Variants in FGD5 observed in about 807,000 individuals in gnomAD.
The protein encoded by FGD5 is FYVE, RhoGEF and PH domain containing 5.
FGD5 carries 28 observed loss-of-function variants against 133.4 expected under a neutral mutation model. The observed-to-expected ratio is 0.21, with a 90% CI of 0.16 to 0.29. FGD5 has a LOEUF of 0.29. Ranked by LOEUF, FGD5 falls within the 10% of genes least tolerant of loss-of-function variation. The pLI is 1.00. For missense variants in FGD5, 1,858 were observed against 1,895.2 expected, an observed-to-expected ratio of 0.98 and a Z score of 0.36; for synonymous variants, 810 against 776.5, an observed-to-expected ratio of 1.04 and a Z score of -0.72.
rs1287232823 is a variant in FGD5, at chr3:14,922,548, G to GGTGA, written c.3807+3_3807+6dup. 6.3e-7 allele frequency: 1 copy of GGTGA among 1,577,704 alleles called. No individual in the cohort carries two copies. Among genetic ancestry groups the GGTGA allele is most frequent in the South Asian group, 1.2e-5 (1 of 86,038 alleles). ...GTCATCACTGTCACGCCTGTGGCAA[G>GGTGA]GTGAGTCGCTGCATCTGGGGTGAGT... On this transcript the variant is annotated frameshift_variant and splice_region_variant. Coordinates refer to ENST00000285046, the MANE Select transcript of FGD5 (RefSeq NM_152536.4). LOFTEE classifies it high-confidence loss of function. The surrounding 1 kb of genome is among the most constrained non-coding windows in gnomAD (Gnocchi z 4.1).
intron 4 of FGD5, among the ~76,000 whole-genome samples, chr3:14,888,875 A>G (rs530869254): frequency 6.6e-6 from 1 of 152,356 alleles, no homozygotes; most frequent in African/African-American, 2.4e-5. Flanking sequence ...CAGCGTCAGC[A>G]TCACCTGGGA....
At chr3:14,846,835 A>G (rs1194174637) in intron 1 of FGD5, among the ~76,000 whole-genome samples, 1 of 152,240 alleles carries the variant, frequency 6.6e-6, no homozygotes, top group Admixed American at 6.5e-5. Context: ...GGAAGAATGA[A>G]CCATGATGAA....
At chr3:14,883,932 A>G (rs996595302) in intron 4 of FGD5, among the ~76,000 whole-genome samples, 1 of 152,188 alleles carries the variant, frequency 6.6e-6, no homozygotes, top group African/African-American at 2.4e-5. Context: ...AGGGCGTGTA[A>G]GGTAAGGGAG....
chr3:14,819,663 C>T lies in FGD5; in HGVS notation c.592C>T (p.His198Tyr). The T allele has an allele frequency of 6.5e-7, 1 of 1,548,060 alleles. No homozygotes were observed. The highest frequency in any genetic ancestry group is 8.7e-7 in the Non-Finnish European group (1 of 1,145,242). Residue 198 changes from histidine to tyrosine, a missense_variant, in exon 1 of 20, where the codon CAC becomes TAC. Coordinates refer to ENST00000285046, the MANE Select transcript of FGD5 (RefSeq NM_152536.4). This position sits in a 1 kb window ranked among gnomAD's most constrained non-coding sequence, Gnocchi z 4.1. ...GVFQSDLLLP[H>Y]IHGEDQEPPD... Reference sequence around the variant, plus strand: ...CTTCCAGAGCGACCTCCTCCTGCCTCACATCCATGGAGAGGACCAGGAGCC... The same window carrying T: ...CTTCCAGAGCGACCTCCTCCTGCCTTACATCCATGGAGAGGACCAGGAGCC...
At chr3:14,885,050 T>A (rs1242823360) in intron 4 of FGD5, among the ~76,000 whole-genome samples, 4 of 151,436 alleles carry the variant, frequency 2.6e-5, no homozygotes, top group African/African-American at 7.3e-5. Flanking sequence ...TACAGAGGGC[T>A]GTGTAAAGCT....
intron 1 of FGD5, among the ~76,000 whole-genome samples, chr3:14,812,082 G>GA (rs1242378944): frequency 6.6e-6 from 1 of 151,556 alleles, no homozygotes; most frequent in African/African-American, 2.4e-5. Flanking sequence ...TCTTTTTAAT[G>GA]AAAAAAAGTC....
At chr3:14,879,719 G>A (rs2037789158) in intron 2 of FGD5, among the ~76,000 whole-genome samples, 1 of 152,182 alleles carries the variant, frequency 6.6e-6, no homozygotes, top group South Asian at 2.1e-4. Context: ...CGTGAGAGGG[G>A]GATGCTCAGA....
intron 9 of FGD5, among the ~76,000 whole-genome samples, chr3:14,907,368 G>A (rs927843019): frequency 2.6e-5 from 4 of 152,196 alleles, no homozygotes; most frequent in African/African-American, 7.2e-5. Context: ...GGCTTAGAGA[G>A]CGTAGGAGCA....
In FGD5 at chr3:14,880,575, G is replaced by A; in HGVS notation, c.2662G>A (p.Glu888Lys). The A allele has an allele frequency of 6.2e-7, 1 of 1,613,824 alleles. No individual in the cohort carries two copies. The highest frequency in any genetic ancestry group is 8.5e-7 in the Non-Finnish European group (1 of 1,179,844). ...SRDPSVTHKV[E>K]GQSRALVIAQ... ...ATTGCTCTCTTTCCTCCCACAGGTG[G>A]AAGGACAGTCCAGAGCCCTTGTCAT... Residue 888 changes from glutamate to lysine, a missense_variant, in exon 3 of 20, where the codon GAA (glutamate) becomes AAA (lysine). Around this residue, in one of 3 missense-constraint regions of FGD5, gnomAD observed 1,824 missense variants for 1,848.9 expected, o/e 0.99. Coordinates refer to ENST00000285046, the MANE Select transcript of FGD5 (RefSeq NM_152536.4).
In FGD5 at chr3:14,819,050, G is replaced by C. The variant is rs762260171; in HGVS notation, c.-22G>C. 1 of 1,526,858 alleles carries C rather than the reference G, an allele frequency of 6.5e-7. No individual in the cohort carries two copies. Among genetic ancestry groups the C allele is most frequent in the Admixed American group, 2.2e-5 (1 of 46,310 alleles). 94.6% of individuals were successfully genotyped at this position (1,526,858 alleles called of 1,614,324 possible). On this transcript the variant is annotated 5_prime_UTR_variant, in exon 1 of 20. Transcript: ENST00000285046. The surrounding 1 kb of genome is among the most constrained non-coding windows in gnomAD (Gnocchi z 4.1). Reference sequence around the variant, plus strand: ...AATTCCCTTCCTCAGCCAGGCCCGAGAGTCTTCACAGTCCAAACTCCATGT... The same window carrying C: ...AATTCCCTTCCTCAGCCAGGCCCGACAGTCTTCACAGTCCAAACTCCATGT...
In FGD5 at chr3:14,933,137, C is replaced by T. The variant is rs61751586; in HGVS notation, c.4359C>T (p.Ile1453=). The change falls in exon 20 of 20, where the codon ATC becomes ATT. Residue 1453 remains isoleucine (I), a synonymous_variant. Coordinates refer to ENST00000285046, the MANE Select transcript of FGD5 (RefSeq NM_152536.4). Reference sequence around the variant, plus strand: ...TCCCTGTTTTGTTTTATAGGTGGATCGAGGCCATGGAAGATGCGAGTGTGT... The same window carrying T: ...TCCCTGTTTTGTTTTATAGGTGGATTGAGGCCATGGAAGATGCGAGTGTGT... ...AEDTNSAQRW[I]EAMEDASVL is the part of the protein sequence containing the mutation. The T allele has an allele frequency of 1.5e-4, 243 of 1,613,488 alleles. No homozygotes were observed. In the Middle Eastern group the frequency reaches 3.3e-3, roughly 22 times the overall value.
At chr3:14,886,248 C>T (rs1360160842) in intron 4 of FGD5, among the ~76,000 whole-genome samples, 1 of 152,142 alleles carries the variant, frequency 6.6e-6, no homozygotes, top group Non-Finnish European at 1.5e-5. Flanking sequence ...CTGGGTTAGT[C>T]CCCTGAAAGC....
At chr3:14,900,553 C>T (rs914537484) in intron 8 of FGD5, 100 bp downstream of exon 8, 4 of 1,352,592 alleles carry the variant, frequency 3.0e-6, no homozygotes, top group Non-Finnish European at 4.1e-6. Flanking sequence ...AGGATATAGT[C>T]CCCTCCCCAC....
chr3:14,867,253 C>T (rs1291251597), intron 2 of FGD5, among the ~76,000 whole-genome samples: 2 of 152,120 alleles, frequency 1.3e-5, no homozygotes, highest in African/African-American at 4.8e-5. Flanking sequence ...CTATAAGAAA[C>T]CTGAAGTAAC....
chr3:14,925,370 G>A (rs2038780767), intron 17 of FGD5, among the ~76,000 whole-genome samples: 1 of 152,042 alleles, frequency 6.6e-6, no homozygotes, highest in South Asian at 2.1e-4. Context: ...TTGTCTTAGA[G>A]ATCATTTCAT....
chr3:14,847,200 C>T (rs1352021091), intron 1 of FGD5, among the ~76,000 whole-genome samples: 2 of 152,212 alleles, frequency 1.3e-5, no homozygotes, highest in Non-Finnish European at 2.9e-5. Context: ...TGCCGACCCC[C>T]ACCCGAAACA....
intron 2 of FGD5, among the ~76,000 whole-genome samples, chr3:14,867,402 T>C (rs1030631930): frequency 2.0e-5 from 3 of 152,190 alleles, no homozygotes; most frequent in Admixed American, 2.0e-4. Flanking sequence ...CTCACTGCAG[T>C]ATTCTTACAG....
chr3:14,883,530 A>C (rs1351082487), intron 4 of FGD5, among the ~76,000 whole-genome samples: 1 of 152,148 alleles, frequency 6.6e-6, no homozygotes, highest in Non-Finnish European at 1.5e-5. Context: ...CTACCCACCT[A>C]TCCAACCATC....
In FGD5 at chr3:14,907,722, C is replaced by A. The variant is rs1253745138; in HGVS notation, c.3336+11C>A. On this transcript the variant is annotated intron_variant, in intron 10 of 19. Coordinates refer to ENST00000285046, the MANE Select transcript of FGD5 (RefSeq NM_152536.4). The stretch of plus-strand genomic sequence containing the variant: ...CTCCAGCCAGGAAGGGTGAGTGCCG[C>A]CACCATGGGTAGGGGCAGAGGGTGG... 1 of 1,612,970 alleles carries A rather than the reference C, an allele frequency of 6.2e-7. No individual in the cohort carries two copies. The highest frequency in any genetic ancestry group is 8.5e-7 in the Non-Finnish European group (1 of 1,179,288).
Sources: gnomAD v4.1 joint callset for allele counts (sites outside exome capture counted in the v4.1 genomes callset) on GRCh38, gnomAD v4.1.1 for gene constraint, gnomAD v4.1.1 regional missense constraint, Gnocchi (gnomAD v3.1) non-coding constraint, MANE v1.5 for transcripts, NCBI Gene and HGNC (gene_info 2026-07-23, HGNC 2026-07-21) for gene names.